The following MPEG1 variants were observed in gnomAD, a reference collection of about 807,000 sequenced individuals.
The protein encoded by MPEG1 is macrophage expressed 1.
For missense variants in MPEG1, 876 were observed against 880.3 expected (o/e 1.00, Z 0.06); for synonymous variants, 365 against 351.9 (o/e 1.04, Z -0.42).
chr11:59,211,432 A>C lies in MPEG1; in HGVS notation c.1434T>G (p.Leu478=). ...SSQVPENSGL[L]FGGLFSSKSI... is the part of the protein sequence containing the mutation. Reference sequence around the variant, plus strand: ...TCTTGCTGCTGAAGAGGCCCCCAAAAAGCAGTCCTGAGTTTTCAGGTACTT... The same window carrying C: ...TCTTGCTGCTGAAGAGGCCCCCAAACAGCAGTCCTGAGTTTTCAGGTACTT... Residue 478 remains leucine (L), a synonymous_variant, in exon 1 of 1, where the codon CTT becomes CTG. Coordinates refer to ENST00000361050, the MANE Select transcript of MPEG1 (RefSeq NM_001039396.2). 1 of 1,614,126 alleles carries C rather than the reference A, an allele frequency of 6.2e-7. No homozygotes were observed. Among genetic ancestry groups the C allele is most frequent in the African/African-American group, 1.3e-5 (1 of 75,018 alleles).
In MPEG1 at chr11:59,209,376, A is replaced by C. The variant is rs1405325253; in HGVS notation, c.*1339T>G. The C allele has an allele frequency of 1.3e-5, 2 of 152,242 alleles. No homozygotes were observed. The highest frequency in any genetic ancestry group is 2.4e-5 in the African/African-American group (1 of 41,460). The allele number at this position is 152,242 out of a possible 1,614,324, so 9.4% of individuals were successfully genotyped here. A position where few individuals can be genotyped will look rare whatever the true frequency, so the allele number is the denominator to read the frequency against. On this transcript the variant is annotated 3_prime_UTR_variant, in exon 1 of 1. Transcript: ENST00000361050. Reference sequence around the variant, plus strand: ...ATTTGATTCAGTGAATAAATATATCATTTAAAAAAATATTGTAGGGGGATC... The same window carrying C: ...ATTTGATTCAGTGAATAAATATATCCTTTAAAAAAATATTGTAGGGGGATC...
rs760800598 is a variant in MPEG1, at chr11:59,211,513, A to G, written c.1353T>C (p.Asp451=). The G allele has an allele frequency of 1.9e-6, 3 of 1,614,114 alleles. No homozygotes were observed. In the Admixed American group the frequency reaches 5.0e-5, roughly 27 times the overall value. The change falls in exon 1 of 1, where the codon GAT becomes GAC. Residue 451 remains aspartate, a synonymous_variant. Coordinates refer to ENST00000361050, the MANE Select transcript of MPEG1 (RefSeq NM_001039396.2). ...LLVFCKTVCE[D]VFQVAKAEFR... ...ATTCAGCTTTTGCCACCTGGAACAC[A>G]TCTTCACACACGGTCTTGCAGAAGA...
chr11:59,211,913 A>G lies in MPEG1; in HGVS notation c.953T>C (p.Met318Thr). The G allele has an allele frequency of 1.9e-6, 3 of 1,613,910 alleles. No homozygotes were observed. Among genetic ancestry groups the G allele is most frequent in the South Asian group, 1.1e-5 (1 of 91,048 alleles). Reference protein sequence around the residue: ...LPLHFFINPNMLPDLPGPLVK... With the variant: ...LPLHFFINPNTLPDLPGPLVK... Reference sequence around the variant, plus strand: ...CAGGGGGCCTGGCAAGTCAGGTAGCATGTTGGGGTTGATGAAGAAATGCAG... The same window carrying G: ...CAGGGGGCCTGGCAAGTCAGGTAGCGTGTTGGGGTTGATGAAGAAATGCAG... The change falls in exon 1 of 1, where the codon ATG becomes ACG. Residue 318 changes from methionine to threonine, a missense_variant. By Grantham distance (81) the Met-to-Thr change is moderately conservative. Coordinates refer to ENST00000361050, the MANE Select transcript of MPEG1 (RefSeq NM_001039396.2).
In MPEG1 at chr11:59,211,489, T is replaced by C. The variant is rs749802293; in HGVS notation, c.1377A>G (p.Glu459=). 1.2e-6 allele frequency: 2 copies of C among 1,614,198 alleles called. No homozygotes were observed. The highest frequency in any genetic ancestry group is 2.2e-5 in the South Asian group (2 of 91,078). Residue 459 remains glutamate, a synonymous_variant, in exon 1 of 1, where the codon GAA becomes GAG. Coordinates refer to ENST00000361050, the MANE Select transcript of MPEG1 (RefSeq NM_001039396.2). ...CEDVFQVAKA[E]FRAFWCVASS... The stretch of plus-strand genomic sequence containing the variant: ...TGGCCACACACCAAAAAGCCCTAAA[T>C]TCAGCTTTTGCCACCTGGAACACAT...
chr11:59,212,641 A>G lies in MPEG1; in HGVS notation c.225T>C (p.Asp75=). The G allele has an allele frequency of 1.2e-6, 2 of 1,614,220 alleles. No homozygotes were observed. The highest frequency in any genetic ancestry group is 1.7e-6 in the Non-Finnish European group (2 of 1,180,034). ...LTYSNCRTTE[D]GQYIIPDEIF... The stretch of plus-strand genomic sequence containing the variant: ...TTTCATCAGGGATGATATACTGTCC[A>G]TCCTCTGTTGTCCTGCAGTTGGAGT... The change falls in exon 1 of 1, where the codon GAT becomes GAC. Residue 75 remains aspartate, a synonymous_variant. Transcript: ENST00000361050.
rs1208759033 is a variant in MPEG1 at position 59,210,109 on chromosome 11, C to T, written c.*606G>A. ...GAGTGGTCTGGTATAAGGGAGTGTTCATCAAGGGGCAGCTGGAAAAAGTGG... is the reference window on the plus strand; with the variant it reads ...GAGTGGTCTGGTATAAGGGAGTGTTTATCAAGGGGCAGCTGGAAAAAGTGG... On this transcript the variant is annotated 3_prime_UTR_variant, in exon 1 of 1. Coordinates refer to ENST00000361050, the MANE Select transcript of MPEG1 (RefSeq NM_001039396.2). 2.0e-5 allele frequency: 3 copies of T among 152,468 alleles called. No homozygotes were observed. Among genetic ancestry groups the T allele is most frequent in the African/African-American group, 7.2e-5 (3 of 41,504 alleles). 9.4% of individuals were successfully genotyped at this position (152,468 alleles called of 1,614,324 possible). A position where few individuals can be genotyped will look rare whatever the true frequency, so the allele number is the denominator to read the frequency against.
chr11:59,210,826 C>T lies in MPEG1; in HGVS notation c.2040G>A (p.Arg680=), dbSNP rs371783029. 6.2e-5 allele frequency: 100 copies of T among 1,614,152 alleles called. No homozygotes were observed. In the African/African-American group the frequency reaches 1.2e-3, roughly 19 times the overall value. ...VVITLAIYGT[R]KFKKKAYQAI... ...CCTGATATGCTTTCTTCTTGAACTTCCGGGTGCCGTAGATGGCCAAGGTGA... is the reference window on the plus strand; with the variant it reads ...CCTGATATGCTTTCTTCTTGAACTTTCGGGTGCCGTAGATGGCCAAGGTGA... Residue 680 remains arginine (R), a synonymous_variant, in exon 1 of 1, where the codon CGG becomes CGA. Coordinates refer to ENST00000361050, the MANE Select transcript of MPEG1 (RefSeq NM_001039396.2).
rs1862887196 is a variant in MPEG1 at position 59,211,290 on chromosome 11, C to T, written c.1576G>A (p.Val526Ile). 1 of 1,614,046 alleles carries T rather than the reference C, an allele frequency of 6.2e-7. No homozygotes were observed. Among genetic ancestry groups the T allele is most frequent in the Non-Finnish European group, 8.5e-7 (1 of 1,180,044 alleles). ...CAGCTAAAGAACCCGCCAAAGGGGACCGCAAACCTGCTTCCCAACTCATAG... is the reference window on the plus strand; with the variant it reads ...CAGCTAAAGAACCCGCCAAAGGGGATCGCAAACCTGCTTCCCAACTCATAG... ...QDYELGSRFA[V>I]PFGGFFSCTV... The change falls in exon 1 of 1, where the codon GTC (valine) becomes ATC (isoleucine). Residue 526 changes from valine (V) to isoleucine (I), a missense_variant. Physicochemically the swap from Val to Ile is conservative, Grantham distance 29. Transcript: ENST00000361050.
Position 59,211,580 on chromosome 11 carries a change from C to T in MPEG1, c.1286G>A (p.Gly429Asp). Residue 429 changes from glycine (G) to aspartate (D), a missense_variant, in exon 1 of 1, where the codon GGT (glycine) becomes GAT (aspartate). Physicochemically the swap from Gly to Asp is moderately conservative, Grantham distance 94. Coordinates refer to ENST00000361050, the MANE Select transcript of MPEG1 (RefSeq NM_001039396.2). ...VHLLSQIHEE[G>D]YNHLECHRKC... is the part of the protein sequence containing the mutation. ...TCGATGACACTCCAGGTGGTTGTAACCCTCCTCGTGGATCTGGGATAACAG... is the reference window on the plus strand; with the variant it reads ...TCGATGACACTCCAGGTGGTTGTAATCCTCCTCGTGGATCTGGGATAACAG... The T allele has an allele frequency of 6.2e-7, 1 of 1,614,028 alleles. No homozygotes were observed. The highest frequency in any genetic ancestry group is 8.5e-7 in the Non-Finnish European group (1 of 1,179,950).
Position 59,210,927 on chromosome 11 carries a change from C to T in MPEG1, c.1939G>A (p.Gly647Arg). Residue 647 changes from glycine to arginine, a missense_variant, in exon 1 of 1, where the codon GGG (glycine) becomes AGG (arginine). Gly to Arg is a moderately radical substitution (Grantham distance 125). Coordinates refer to ENST00000361050, the MANE Select transcript of MPEG1 (RefSeq NM_001039396.2). ...ELRRAMNVIHGDGGGLSGGAA... is the reference protein window; with the variant it reads ...ELRRAMNVIHRDGGGLSGGAA... ...CCTCCTGACAGACCACCACCATCCC[C>T]ATGGATGACATTCATGGCCCTCCGC... is the stretch of plus-strand genomic sequence containing the variant. 6.2e-7 allele frequency: 1 copy of T among 1,614,222 alleles called. No individual in the cohort carries two copies. Among genetic ancestry groups the T allele is most frequent in the Non-Finnish European group, 8.5e-7 (1 of 1,180,036 alleles).
Position 59,210,795 on chromosome 11 carries a change from C to T in MPEG1, c.2071G>A (p.Glu691Lys), listed in dbSNP as rs1408027597. The T allele has an allele frequency of 6.2e-7, 1 of 1,614,076 alleles. No individual in the cohort carries two copies. Among genetic ancestry groups the T allele is most frequent in the African/African-American group, 1.3e-5 (1 of 74,922 alleles). The change falls in exon 1 of 1, where the codon GAG becomes AAG. Residue 691 changes from glutamate to lysine, a missense_variant. Transcript: ENST00000361050. ...CCTGGAACCAAACTCTGCCTTTCCT[C>T]AATTGCCTGATATGCTTTCTTCTTG... ...KFKKKAYQAI[E>K]ERQSLVPGTA...
At position 59,211,605 on chromosome 11, in the gene MPEG1, G is replaced by C; in HGVS notation, c.1261C>G (p.Leu421Val). The change falls in exon 1 of 1, where the codon CTG becomes GTG. Residue 421 changes from leucine to valine, a missense_variant. Coordinates refer to ENST00000361050, the MANE Select transcript of MPEG1 (RefSeq NM_001039396.2). The part of the protein sequence containing the change: ...SCPSGYSPVH[L>V]LSQIHEEGYN... ...CCCTCCTCGTGGATCTGGGATAACA[G>C]GTGCACCGGGGAGTAGCCAGAGGGG... 1 of 1,614,194 alleles carries C rather than the reference G, an allele frequency of 6.2e-7. No homozygotes were observed. Among genetic ancestry groups the C allele is most frequent in the Non-Finnish European group, 8.5e-7 (1 of 1,180,032 alleles).
chr11:59,211,501 C>T lies in MPEG1; in HGVS notation c.1365G>A (p.Val455=), dbSNP rs1188586673. ...CKTVCEDVFQ[V]AKAEFRAFWC... is the part of the protein sequence containing the mutation. Reference sequence around the variant, plus strand: ...AAAAAGCCCTAAATTCAGCTTTTGCCACCTGGAACACATCTTCACACACGG... The same window carrying T: ...AAAAAGCCCTAAATTCAGCTTTTGCTACCTGGAACACATCTTCACACACGG... The change falls in exon 1 of 1, where the codon GTG becomes GTA. Residue 455 remains valine (V), a synonymous_variant. Transcript: ENST00000361050. 2 of 1,614,162 alleles carry T rather than the reference C, an allele frequency of 1.2e-6. No homozygotes were observed. The highest frequency in any genetic ancestry group is 1.7e-5 in the Admixed American group (1 of 60,020).
rs1862908405 is a variant in MPEG1 at position 59,212,423 on chromosome 11, G to A, written c.443C>T (p.Thr148Ile). 1.9e-6 allele frequency: 3 copies of A among 1,608,730 alleles called. No homozygotes were observed. Among genetic ancestry groups the A allele is most frequent in the East Asian group, 4.5e-5 (2 of 44,570 alleles). The stretch of plus-strand genomic sequence containing the variant: ...GACGAGGTTTCTTACCTGAACTCGG[G>A]TAGTTATAGCTTGGTCCTTCACTTG... ...TLQVKDQAIT[T>I]RVQVRNLVYT... Residue 148 changes from threonine (T) to isoleucine (I), a missense_variant, in exon 1 of 1, where the codon ACC (threonine) becomes ATC (isoleucine). Coordinates refer to ENST00000361050, the MANE Select transcript of MPEG1 (RefSeq NM_001039396.2).
At position 59,209,035 on chromosome 11, in the gene MPEG1, A is replaced by C. The variant is rs550607995; in HGVS notation, c.*1680T>G. The C allele has an allele frequency of 6.6e-6, 1 of 152,354 alleles. No homozygotes were observed. The highest frequency in any genetic ancestry group is 1.9e-4 in the East Asian group (1 of 5,194). 9.4% of individuals were successfully genotyped at this position (152,354 alleles called of 1,614,324 possible). A position where few individuals can be genotyped will look rare whatever the true frequency, so the allele number is the denominator to read the frequency against. ...GCAGACAAGTGGTTAGCTTGGCTAA[A>C]ATGTACAAAACACCCAGAACCCACA... On this transcript the variant is annotated 3_prime_UTR_variant, in exon 1 of 1. Transcript: ENST00000361050.
chr11:59,209,834 T>C lies in MPEG1; in HGVS notation c.*881A>G, dbSNP rs1305927725. 6.7e-6 allele frequency: 1 copy of C among 149,096 alleles called. No homozygotes were observed. The highest frequency in any genetic ancestry group is 2.0e-4 in the East Asian group (1 of 5,066). 9.2% of individuals were successfully genotyped at this position (149,096 alleles called of 1,614,324 possible). On this transcript the variant is annotated 3_prime_UTR_variant, in exon 1 of 1. Coordinates refer to ENST00000361050, the MANE Select transcript of MPEG1 (RefSeq NM_001039396.2). ...AAGGACCCAGAACAATGAAGACTTA[T>C]TGAAATGTGGTATGTGTGTGCGTGT...
At position 59,211,353 on chromosome 11, in the gene MPEG1, T is replaced by C. The variant is rs1205840788; in HGVS notation, c.1513A>G (p.Arg505Gly). 3 of 1,614,020 alleles carry C rather than the reference T, an allele frequency of 1.9e-6. No individual in the cohort carries two copies. The highest frequency in any genetic ancestry group is 2.2e-5 in the East Asian group (1 of 44,890). Residue 505 changes from arginine to glycine, a missense_variant, in exon 1 of 1, where the codon AGA (arginine) becomes GGA (glycine). By Grantham distance (125) the Arg-to-Gly change is moderately radical (BLOSUM62 -2). Transcript: ENST00000361050. Reference protein sequence around the residue: ...QSCPAGYFPLRLFENLKVCVS... With the variant: ...QSCPAGYFPLGLFENLKVCVS... Reference sequence around the variant, plus strand: ...CATACCTTGAGGTTTTCAAAGAGTCTCAGTGGAAAGTAGCCGGCTGGGCAT... The same window carrying C: ...CATACCTTGAGGTTTTCAAAGAGTCCCAGTGGAAAGTAGCCGGCTGGGCAT...
In MPEG1 at chr11:59,212,230, C is replaced by T; in HGVS notation, c.636G>A (p.Gly212=). ...GGTGGTCCTCCTGAATAAGAGCAGC[C>T]CCAGCGTCGACACTGGTGGTGACGT... is the stretch of plus-strand genomic sequence containing the variant. ...GTHVTTSVDA[G]AALIQEDHLR... The change falls in exon 1 of 1, where the codon GGG becomes GGA. Residue 212 remains glycine (G), a synonymous_variant. Coordinates refer to ENST00000361050, the MANE Select transcript of MPEG1 (RefSeq NM_001039396.2). 1 of 1,613,774 alleles carries T rather than the reference C, an allele frequency of 6.2e-7. No homozygotes were observed. Among genetic ancestry groups the T allele is most frequent in the Non-Finnish European group, 8.5e-7 (1 of 1,180,008 alleles).
Position 59,211,324 on chromosome 11 carries a change from A to C in MPEG1, c.1542T>G (p.Val514=). 6.2e-7 allele frequency: 1 copy of C among 1,614,220 alleles called. No homozygotes were observed. The highest frequency in any genetic ancestry group is 8.5e-7 in the Non-Finnish European group (1 of 1,180,026). The change falls in exon 1 of 1, where the codon GTT becomes GTG. Residue 514 remains valine, a synonymous_variant. Coordinates refer to ENST00000361050, the MANE Select transcript of MPEG1 (RefSeq NM_001039396.2). ...TGCTTCCCAACTCATAGTCCTGAGA[A>C]ACACATACCTTGAGGTTTTCAAAGA... The part of the protein sequence containing the change: ...LRLFENLKVC[V]SQDYELGSRF...
Sources: gnomAD v4.1 joint callset for allele counts on GRCh38, gnomAD v4.1.1 for gene constraint, MANE v1.5 for transcripts, NCBI Gene and HGNC (gene_info 2026-07-23, HGNC 2026-07-21) for gene names.